The following VAV3 variants were observed in gnomAD, a reference collection of about 807,000 sequenced individuals.
VAV3 encodes guanine nucleotide exchange factor VAV3.
Under a neutral mutation model 131.2 loss-of-function variants are expected in VAV3, and 94 were observed. That is an observed-to-expected ratio of 0.72 (90% CI 0.61 to 0.85). The LOEUF is 0.85. VAV3 is among the 40% of genes least tolerant of loss of function. The pLI is 0.00. For synonymous variants in VAV3, 349 were observed against 342.0 expected (o/e 1.02, Z -0.22); for missense variants, 939 against 1,002.7 (o/e 0.94, Z 0.86).
rs770906376 is a variant in VAV3 at position 107,768,500 on chromosome 1, C to T, written c.658G>A (p.Ala220Thr). The change falls in exon 7 of 27, where the codon GCA (alanine) becomes ACA (threonine). Residue 220 changes from alanine to threonine, a missense_variant. Physicochemically the swap from Ala to Thr is moderately conservative, Grantham distance 58 (BLOSUM62 0). Coordinates refer to ENST00000370056, the MANE Select transcript of VAV3 (RefSeq NM_006113.5). ...TLESIEKYFM[A>T]PLKRFLTAAE... ...GCTGTCAGAAATCTTTTTAGTGGTG[C>T]CATGAAATACTACCAGGAAAGAAGA... 1.6e-5 allele frequency: 26 copies of T among 1,611,400 alleles called. No homozygotes were observed. The highest frequency in any genetic ancestry group is 1.7e-4 in the Middle Eastern group (1 of 6,040).
intron 19 of VAV3, among the ~76,000 whole-genome samples, chr1:107,655,447 A>G (rs1298786342): frequency 1.3e-5 from 2 of 152,056 alleles, no homozygotes; most frequent in South Asian, 2.1e-4. Context: ...AGACCCCTAT[A>G]TCTCAGCACA....
intron 2 of VAV3, chr1:107,862,655 A>G (rs1669790777): frequency 6.6e-6 from 1 of 151,564 alleles, no homozygotes; most frequent in African/African-American, 2.4e-5. Flanking sequence ...AATGACCTCC[A>G]TATGTAACTT....
Position 107,642,633 on chromosome 1 carries a change from T to C in VAV3, c.1900A>G (p.Ser634Gly), listed in dbSNP as rs1655427939. 6.2e-7 allele frequency: 1 copy of C among 1,613,022 alleles called. No homozygotes were observed. The highest frequency in any genetic ancestry group is 1.3e-5 in the African/African-American group (1 of 74,938). Reference sequence around the variant, plus strand: ...AACAACAGTACCTGCCAAAACAGACTGTGTGCATCTCCTTTCAGAAGTTCA... The same window carrying C: ...AACAACAGTACCTGCCAAAACAGACCGTGTGCATCTCCTTTCAGAAGTTCA... ...TVELLKGDAH[S>G]LFWQGRNLAS... Residue 634 changes from serine (S) to glycine (G), a missense_variant, in exon 20 of 27, where the codon AGT becomes GGT. Ser to Gly is a moderately conservative substitution (Grantham distance 56, BLOSUM62 0). Coordinates refer to ENST00000370056, the MANE Select transcript of VAV3 (RefSeq NM_006113.5).
chr1:107,725,146 G>A lies in VAV3; in HGVS notation c.1503-20085C>T, dbSNP rs531826708. Among the ~76,000 whole-genome samples the A allele has an allele frequency of 3.9e-5, 6 of 152,288 alleles. 1 individual carries two copies. In the East Asian group the frequency reaches 7.7e-4, roughly 20 times the overall value. ...TAAAACCATGGAGAGGGGCATGTCG[G>A]TTTAGAGAGGTCACTCTTACAACAG... On this transcript the variant is annotated intron_variant, in intron 15 of 26. Coordinates refer to ENST00000370056, the MANE Select transcript of VAV3 (RefSeq NM_006113.5).
At chr1:107,749,426 T>C (rs375395688) in intron 14 of VAV3, 36 bp downstream of exon 14, 397 of 1,565,930 alleles carry the variant, frequency 2.5e-4, no homozygotes, top group Non-Finnish European at 3.2e-4. Flanking sequence ...TTCAAGATTA[T>C]AAGTAAATTA....
At chr1:107,696,627 T>C (rs957054954) in intron 17 of VAV3, among the ~76,000 whole-genome samples, 2 of 152,186 alleles carry the variant, frequency 1.3e-5, no homozygotes, top group Non-Finnish European at 2.9e-5. Flanking sequence ...CTCTGTAAAG[T>C]ATGGGTGAAT....
intron 2 of VAV3, among the ~76,000 whole-genome samples, chr1:107,787,812 G>A (rs1235471469): frequency 1.3e-5 from 2 of 152,136 alleles, no homozygotes; most frequent in African/African-American, 4.8e-5. Flanking sequence ...AAACAGGACT[G>A]CACTTGCCTC....
chr1:107,827,328 G>C (rs1373683452), intron 2 of VAV3, among the ~76,000 whole-genome samples: 2 of 152,062 alleles, frequency 1.3e-5, no homozygotes, highest in Non-Finnish European at 1.5e-5. Context: ...TGAGTTTAAA[G>C]AACAACTTAC....
At chr1:107,638,344 A>G (rs920534742) in intron 20 of VAV3, among the ~76,000 whole-genome samples, 3 of 152,240 alleles carry the variant, frequency 2.0e-5, no homozygotes, top group Non-Finnish European at 2.9e-5. Flanking sequence ...TAAGAGTTAA[A>G]GAATAAGAGA....
chr1:107,888,787 T>A (rs1254360018), intron 1 of VAV3, among the ~76,000 whole-genome samples: 2 of 152,244 alleles, frequency 1.3e-5, no homozygotes, highest in East Asian at 3.9e-4. Flanking sequence ...AACAAAATTA[T>A]TCTCATATAT....
chr1:107,930,335 AT>A (rs1340357258), intron 1 of VAV3, among the ~76,000 whole-genome samples: 1 of 152,092 alleles, frequency 6.6e-6, no homozygotes, highest in South Asian at 2.1e-4. Flanking sequence ...AAACTAAAAA[AT>A]TTTTTTAAAG....
chr1:107,694,580 G>A (rs1459219359), intron 17 of VAV3, among the ~76,000 whole-genome samples: 1 of 152,134 alleles, frequency 6.6e-6, no homozygotes, highest in Admixed American at 6.5e-5. Context: ...TAAAGTACCA[G>A]CCAGGGACTC....
chr1:107,866,546 G>T (rs986182526), intron 2 of VAV3, among the ~76,000 whole-genome samples: 7 of 152,100 alleles, frequency 4.6e-5, no homozygotes, highest in Non-Finnish European at 1.0e-4. Flanking sequence ...GCTTGGCATG[G>T]TGTCTCATGC....
At chr1:107,810,709 C>T (rs550280429) in intron 2 of VAV3, among the ~76,000 whole-genome samples, 64 of 152,052 alleles carry the variant, frequency 4.2e-4, no homozygotes, top group African/African-American at 1.5e-3. Flanking sequence ...AGCATAATCA[C>T]CCAATAGGTA....
At chr1:107,931,641 T>C (rs1673442200) in intron 1 of VAV3, among the ~76,000 whole-genome samples, 1 of 152,214 alleles carries the variant, frequency 6.6e-6, no homozygotes, top group African/African-American at 2.4e-5. Flanking sequence ...GTGATTGAAA[T>C]ATTGTCATAA....
intron 24 of VAV3, among the ~76,000 whole-genome samples, chr1:107,599,981 A>G (rs1214316824): frequency 6.6e-6 from 1 of 152,054 alleles, no homozygotes; most frequent in African/African-American, 2.4e-5. Context: ...AAACCTTCAC[A>G]CCAATTAATC....
Position 107,777,249 on chromosome 1 carries a change from C to A in VAV3, c.428G>T (p.Gly143Val), listed in dbSNP as rs1196290292. ...AACATACTCTATTAAATCAGGAAGG[C>A]CTTTGTAGATGTCTTCATCATTAAT... The part of the protein sequence containing the change: ...ESINDEDIYK[G>V]LPDLIDETLV... Residue 143 changes from glycine (G) to valine (V), a missense_variant, in exon 4 of 27, where the codon GGC (glycine) becomes GTC (valine). Transcript: ENST00000370056. 1 of 1,614,000 alleles carries A rather than the reference C, an allele frequency of 6.2e-7. No homozygotes were observed. Among genetic ancestry groups the A allele is most frequent in the Non-Finnish European group, 8.5e-7 (1 of 1,179,958 alleles).
chr1:107,891,838 CA>C (rs35693360), intron 1 of VAV3, among the ~76,000 whole-genome samples: 1,148 of 27,896 alleles, frequency 0.041, 9 homozygotes, highest in African/African-American at 0.1. Context: ...GACTCCGTCT[CA>C]AAAAAAAAAA....
chr1:107,715,453 T>A (rs374136356), intron 15 of VAV3, among the ~76,000 whole-genome samples: 3 of 152,172 alleles, frequency 2.0e-5, no homozygotes, highest in African/African-American at 7.2e-5. Context: ...ATTGAGATAA[T>A]GCTTTTCTTG....
Sources: gnomAD v4.1 joint callset for allele counts (sites outside exome capture counted in the v4.1 genomes callset) on GRCh38, gnomAD v4.1.1 for gene constraint, MANE v1.5 for transcripts, NCBI Gene and HGNC (gene_info 2026-07-23, HGNC 2026-07-21) for gene names.